TENM3: variants seen among roughly 807,000 people sequenced by gnomAD.
TENM3 encodes teneurin-3.
In TENM3, 63 loss-of-function variants were observed where a neutral mutation model predicts 255.1. The observed-to-expected ratio is 0.25, with a 90% CI of 0.20 to 0.30. The LOEUF (loss-of-function observed/expected upper bound fraction) is 0.30. TENM3 is among the 10% of genes least tolerant of loss of function. TENM3 has a pLI of 1.00. For missense variants in TENM3, 2,929 were observed against 3,461.1 expected (o/e 0.85, Z 3.86); for synonymous variants, 1,306 against 1,322.3 (o/e 0.99, Z 0.27).
At chr4:182,487,490 C>T (rs1734872337) in intron 3 of TENM3, among the ~76,000 whole-genome samples, 2 of 151,894 alleles carry the variant, frequency 1.3e-5, no homozygotes, top group Admixed American at 1.3e-4. Context: ...AATTAATAAA[C>T]CCAGTTCTGG....
chr4:182,454,593 A>G (rs1295291411), intron 3 of TENM3, among the ~76,000 whole-genome samples: 1 of 152,212 alleles, frequency 6.6e-6, no homozygotes, highest in African/African-American at 2.4e-5. Flanking sequence ...CAAGTGCCTA[A>G]GTATGTTTAC....
chr4:182,056,132 G>A, the TENM3 span, among the ~76,000 whole-genome samples: 1 of 152,060 alleles, frequency 6.6e-6, no homozygotes, highest in Admixed American at 6.5e-5. Flanking sequence ...AGATCCCACT[G>A]AGTTACGTGA....
chr4:181,469,086 A>G, the TENM3 span, among the ~76,000 whole-genome samples: 1 of 152,246 alleles, frequency 6.6e-6, no homozygotes, highest in South Asian at 2.1e-4. Context: ...TTATTTTTTG[A>G]TCGAGTGGCT....
the TENM3 span, among the ~76,000 whole-genome samples, chr4:181,489,171 A>G: frequency 6.6e-6 from 1 of 152,220 alleles, no homozygotes; most frequent in Non-Finnish European, 1.5e-5. Context: ...CTCTGGCCTG[A>G]AAACCTCAAC....
chr4:182,183,256 A>G (rs1752948523), intron 1 of TENM3, among the ~76,000 whole-genome samples: 1 of 152,158 alleles, frequency 6.6e-6, no homozygotes, highest in African/African-American at 2.4e-5. Flanking sequence ...AGGGAAAGCA[A>G]TAGAACTGCA....
intron 3 of TENM3, among the ~76,000 whole-genome samples, chr4:182,501,408 A>G (rs1277127676): frequency 6.6e-6 from 1 of 151,782 alleles, no homozygotes; most frequent in Non-Finnish European, 1.5e-5. Flanking sequence ...TTATTACTAC[A>G]TGACATCTTA....
At chr4:182,312,471 A>C (rs961467348) in intron 1 of TENM3, among the ~76,000 whole-genome samples, 1 of 152,214 alleles carries the variant, frequency 6.6e-6, no homozygotes, top group African/African-American at 2.4e-5. Context: ...AGATGGAATG[A>C]CCTACTTCAA....
chr4:182,731,998 G>A (rs558513616), intron 16 of TENM3, among the ~76,000 whole-genome samples: 98 of 152,002 alleles, frequency 6.4e-4, no homozygotes, highest in Non-Finnish European at 1.2e-3. Context: ...GGCCAGGATG[G>A]TCTCCATCTC....
In TENM3 at chr4:182,603,784, T is replaced by TAG. The variant is rs58332965; in HGVS notation, c.749+2624_749+2625insGA. Among the ~76,000 whole-genome samples the TAG allele has an allele frequency of 1.0e-4, 14 of 134,212 alleles. 2 individuals carry two copies. Among genetic ancestry groups the TAG allele is most frequent in the Admixed American group, 3.0e-4 (4 of 13,194 alleles). 88.0% of individuals were successfully genotyped at this position (134,212 alleles called of 152,430 possible). On this transcript the variant is annotated intron_variant, in intron 4 of 27. Coordinates refer to ENST00000511685, the MANE Select transcript of TENM3 (RefSeq NM_001080477.4). ...AATTATTTATATATATATATATATA[T>TAG]ACACACACACACCGATTTTGCTAAT...
At chr4:181,779,067 T>A in the TENM3 span, among the ~76,000 whole-genome samples, 1 of 151,532 alleles carries the variant, frequency 6.6e-6, no homozygotes, top group Admixed American at 6.6e-5. Flanking sequence ...CAAAGGAGAG[T>A]AGTGAACAGG....
chr4:182,761,710 G>A (rs1763213739), intron 22 of TENM3, among the ~76,000 whole-genome samples: 1 of 151,934 alleles, frequency 6.6e-6, no homozygotes, highest in Non-Finnish European at 1.5e-5. Context: ...AAACATTTAG[G>A]AGTTTAAGAA....
the TENM3 span, among the ~76,000 whole-genome samples, chr4:181,883,045 A>T: frequency 6.6e-6 from 1 of 150,534 alleles, no homozygotes; most frequent in Non-Finnish European, 1.5e-5. Context: ...GTCCCTATTC[A>T]AAGTAATGGC....
the TENM3 span, among the ~76,000 whole-genome samples, chr4:182,111,852 G>A: frequency 1.3e-5 from 2 of 152,202 alleles, no homozygotes; most frequent in African/African-American, 2.4e-5. Context: ...GTTGTAAATA[G>A]AGTTAACATT....
chr4:181,562,675 T>C, the TENM3 span, among the ~76,000 whole-genome samples: 60 of 149,552 alleles, frequency 4.0e-4, no homozygotes, highest in East Asian at 0.011. Flanking sequence ...TAGATTCTTC[T>C]TAATTTTTTT....
At chr4:182,414,152 T>G (rs1410290023) in intron 3 of TENM3, among the ~76,000 whole-genome samples, 1 of 152,226 alleles carries the variant, frequency 6.6e-6, no homozygotes, top group Non-Finnish European at 1.5e-5. Context: ...TTTCTTCCTT[T>G]AGACAGTGGC....
chr4:181,780,076 G>A, the TENM3 span, among the ~76,000 whole-genome samples: 8 of 152,174 alleles, frequency 5.3e-5, no homozygotes, highest in Non-Finnish European at 1.2e-4. Flanking sequence ...TTGCTATTGG[G>A]AATAGTGCTG....
intron 12 of TENM3, among the ~76,000 whole-genome samples, chr4:182,713,765 C>G (rs1758933836): frequency 6.6e-6 from 1 of 152,050 alleles, no homozygotes; most frequent in Non-Finnish European, 1.5e-5. Context: ...ATGGCTTTTC[C>G]ACACCGTACA....
At chr4:182,136,126 G>A in the TENM3 span, among the ~76,000 whole-genome samples, 1 of 151,914 alleles carries the variant, frequency 6.6e-6, no homozygotes, top group South Asian at 2.1e-4. Flanking sequence ...ACAGTATCAA[G>A]TTGTAGTTTT....
At chr4:181,537,161 C>T in the TENM3 span, among the ~76,000 whole-genome samples, 10 of 152,238 alleles carry the variant, frequency 6.6e-5, no homozygotes, top group Non-Finnish European at 1.2e-4. Flanking sequence ...AATACTGAGG[C>T]AGACTAAGGT....
Sources: allele counts gnomAD v4.1 joint callset (sites outside exome capture counted in the v4.1 genomes callset), GRCh38; gene constraint gnomAD v4.1.1; transcripts MANE v1.5; gene names NCBI Gene and HGNC (gene_info 2026-07-23, HGNC 2026-07-21).